Variants in HRH1 observed in about 807,000 individuals in gnomAD.
HRH1 encodes the protein histamine receptor H1.
A neutral mutation model predicts 10.3 loss-of-function variants in HRH1; 6 were observed. The observed-to-expected ratio is 0.58, with a 90% CI of 0.32 to 1.15. The LOEUF (loss-of-function observed/expected upper bound fraction) is 1.15, where lower values mean the gene tolerates loss of function less well. HRH1 is among the 50% of genes most tolerant of loss of function. The pLI is 0.05. For synonymous variants in HRH1, 242 were observed against 236.7 expected, an observed-to-expected ratio of 1.02 and a Z score of -0.21; for missense variants, 514 against 615.3, an observed-to-expected ratio of 0.84 and a Z score of 1.74.
chr3:11,178,862 C>T (rs78525283), intron 1 of HRH1, among the ~76,000 whole-genome samples: 1,855 of 152,278 alleles, frequency 0.012, 33 homozygotes, highest in African/African-American at 0.042. Flanking sequence ...CTTCACCTCT[C>T]GGAGTCTCAG....
Position 11,260,516 on chromosome 3 carries a change from G to C in HRH1, c.*15G>C. 1.9e-6 allele frequency: 3 copies of C among 1,556,728 alleles called. No individual in the cohort carries two copies. Among genetic ancestry groups the C allele is most frequent in the East Asian group, 2.3e-5 (1 of 44,398 alleles). ...TTCGCTCCTAAGGGAGGCTCTGAGG[G>C]GATGCAACAAAATGATCCTTATGAT... On this transcript the variant is annotated 3_prime_UTR_variant, in exon 2 of 2. Coordinates refer to ENST00000431010, the MANE Select transcript of HRH1 (RefSeq NM_001098212.2).
rs995968091 is a variant in HRH1, at chr3:11,161,780, T to G, written c.-36+7226T>G. Reference sequence around the variant, plus strand: ...TTTTCAGTTGTTTATTGATTGATTCTCACAGCAGCGGGTTTCACCAAGCCT... The same window carrying G: ...TTTTCAGTTGTTTATTGATTGATTCGCACAGCAGCGGGTTTCACCAAGCCT... On this transcript the variant is annotated intron_variant, in intron 1 of 1. Transcript: ENST00000431010. Among the ~76,000 whole-genome samples, 31 of 152,300 alleles carry G rather than the reference T, an allele frequency of 2.0e-4. 1 individual carries two copies. Among genetic ancestry groups the G allele is most frequent in the African/African-American group, 7.0e-4 (29 of 41,552 alleles).
At chr3:11,171,395 C>T (rs962657604) in intron 1 of HRH1, among the ~76,000 whole-genome samples, 3 of 152,110 alleles carry the variant, frequency 2.0e-5, no homozygotes, top group Admixed American at 6.5e-5. Context: ...GGATTACAGG[C>T]GTAAGCTACT....
chr3:11,169,652 C>T (rs17034071), intron 1 of HRH1, among the ~76,000 whole-genome samples: 12,368 of 152,136 alleles, frequency 0.081, 681 homozygotes, highest in East Asian at 0.23. Context: ...TAGAAATCCT[C>T]GTCCGTTGAC....
intron 1 of HRH1, among the ~76,000 whole-genome samples, chr3:11,254,570 A>G (rs1939736579): frequency 6.6e-6 from 1 of 152,082 alleles, no homozygotes; most frequent in African/African-American, 2.4e-5. Flanking sequence ...TTCTTCCCTC[A>G]TTGCTAGAGT....
intron 1 of HRH1, among the ~76,000 whole-genome samples, chr3:11,172,550 T>A (rs1937170997): frequency 6.6e-6 from 1 of 152,164 alleles, no homozygotes; most frequent in African/African-American, 2.4e-5. Flanking sequence ...ATTTAGGAGC[T>A]GCTTGCTAGA....
intron 1 of HRH1, among the ~76,000 whole-genome samples, chr3:11,160,476 A>G (rs75518679): frequency 0.026 from 3,902 of 152,336 alleles, 139 homozygotes; most frequent in East Asian, 0.11. Flanking sequence ...TTTTAGACTA[A>G]ATTATCGCTC....
At chr3:11,201,646 T>C (rs565520675) in intron 1 of HRH1, among the ~76,000 whole-genome samples, 1 of 152,148 alleles carries the variant, frequency 6.6e-6, no homozygotes, top group South Asian at 2.1e-4. Flanking sequence ...CAGCATATCC[T>C]TAGACTAGTC....
chr3:11,161,955 C>G (rs776404058), intron 1 of HRH1, among the ~76,000 whole-genome samples: 3 of 152,166 alleles, frequency 2.0e-5, no homozygotes, highest in Admixed American at 1.3e-4. Flanking sequence ...AAAGGCAAGA[C>G]AAGGCAGCTG....
intron 1 of HRH1, among the ~76,000 whole-genome samples, chr3:11,244,984 C>A (rs929338185): frequency 6.6e-6 from 1 of 152,128 alleles, no homozygotes; most frequent in Non-Finnish European, 1.5e-5. Context: ...AATGTCATCA[C>A]CCAGTACACA....
chr3:11,237,142 T>C (rs913167770), intron 1 of HRH1, among the ~76,000 whole-genome samples: 1 of 152,210 alleles, frequency 6.6e-6, no homozygotes, highest in African/African-American at 2.4e-5. Flanking sequence ...GTAATCACTG[T>C]GTCCTTGTCT....
intron 1 of HRH1, among the ~76,000 whole-genome samples, chr3:11,158,224 C>A (rs936244043): frequency 4.6e-5 from 7 of 152,172 alleles, no homozygotes; most frequent in Non-Finnish European, 1.0e-4. Context: ...CATAAGCAAG[C>A]AAGTTGGCTT....
chr3:11,211,446 A>C (rs1299030537), intron 1 of HRH1, among the ~76,000 whole-genome samples: 1 of 152,232 alleles, frequency 6.6e-6, no homozygotes, highest in Non-Finnish European at 1.5e-5. Flanking sequence ...TCAACATGTA[A>C]CTTCAACAAA....
upstream of HRH1, among the ~76,000 whole-genome samples, chr3:11,152,264 T>C (rs1204964351): frequency 6.6e-6 from 1 of 152,238 alleles, no homozygotes; most frequent in Non-Finnish European, 1.5e-5. Flanking sequence ...CATGGGGCTG[T>C]TACTTTTCTG....
chr3:11,228,382 A>T (rs1938951474), intron 1 of HRH1, among the ~76,000 whole-genome samples: 1 of 152,144 alleles, frequency 6.6e-6, no homozygotes, highest in African/African-American at 2.4e-5. Context: ...ACCTGTCTCT[A>T]ACAAAATTTT....
At chr3:11,243,562 G>A (rs955808611) in intron 1 of HRH1, among the ~76,000 whole-genome samples, 1 of 152,192 alleles carries the variant, frequency 6.6e-6, no homozygotes, top group East Asian at 1.9e-4. Flanking sequence ...TGGCATCAAC[G>A]TGTAAAGAAG....
At chr3:11,172,039 T>C (rs1456154992) in intron 1 of HRH1, among the ~76,000 whole-genome samples, 2 of 152,248 alleles carry the variant, frequency 1.3e-5, no homozygotes, top group South Asian at 4.1e-4. Context: ...ATCACTTGTA[T>C]CACAGCCTAT....
At chr3:11,179,381 G>A (rs1445115222) in intron 1 of HRH1, among the ~76,000 whole-genome samples, 1 of 152,074 alleles carries the variant, frequency 6.6e-6, no homozygotes, top group Non-Finnish European at 1.5e-5. Context: ...AGCACTTTGG[G>A]AGGCCGAGGT....
At position 11,262,166 on chromosome 3, in the gene HRH1, C is replaced by G. The variant is rs1939973406; in HGVS notation, c.*1665C>G. The G allele has an allele frequency of 6.0e-6, 1 of 167,074 alleles. No individual in the cohort carries two copies. Among genetic ancestry groups the G allele is most frequent in the Non-Finnish European group, 1.5e-5 (1 of 68,130 alleles). 10.3% of individuals were successfully genotyped at this position (167,074 alleles called of 1,614,324 possible). A position where few individuals can be genotyped will look rare whatever the true frequency, so the allele number is the denominator to read the frequency against. ...GTGATTTATATTTTAAAGCTTGGTG[C>G]TAAACCACAATATGTATAGCATATG... On this transcript the variant is annotated 3_prime_UTR_variant, in exon 2 of 2. Transcript: ENST00000431010.
Sources: allele counts gnomAD v4.1 joint callset (sites outside exome capture counted in the v4.1 genomes callset), GRCh38; gene constraint gnomAD v4.1.1; transcripts MANE v1.5; gene names NCBI Gene and HGNC (gene_info 2026-07-23, HGNC 2026-07-21).